Variants in HHLA2 observed in about 807,000 individuals in gnomAD.
The protein encoded by HHLA2 is HERV-H LTR-associating protein 2.
In HHLA2, 48 loss-of-function variants were observed where a neutral mutation model predicts 45.9. The observed-to-expected ratio is 1.05, with a 90% confidence interval of 0.83 to 1.33. HHLA2 has a LOEUF of 1.33. HHLA2 is among the 40% of genes most tolerant of loss of function. The pLI is 0.00. For missense variants in HHLA2, 462 were observed against 494.3 expected (o/e 0.93, Z 0.62); for synonymous variants, 161 against 173.9 (o/e 0.93, Z 0.59).
intron 7 of HHLA2, 67 bp from the exon 7 acceptor site, chr3:108,362,275 C>T: frequency 1.8e-6 from 2 of 1,136,258 alleles, no homozygotes; most frequent in South Asian, 2.7e-5. Flanking sequence ...CCTTACCCAC[C>T]CACACATTTC....
intron 1 of HHLA2, among the ~76,000 whole-genome samples, chr3:108,305,754 T>C (rs536961219): frequency 2.2e-4 from 34 of 152,294 alleles, no homozygotes; most frequent in Non-Finnish European, 3.2e-4. Flanking sequence ...AGTGACACAT[T>C]TGAGCCAAGG....
intron 5 of HHLA2, 145 bp downstream of exon 4, chr3:108,353,925 A>G (rs1433412539): frequency 1.6e-6 from 1 of 632,524 alleles, no homozygotes; most frequent in East Asian, 2.7e-5. Context: ...AACTTGTAGT[A>G]TACTAATGTT....
intron 1 of HHLA2, among the ~76,000 whole-genome samples, chr3:108,304,732 A>G (rs1049436845): frequency 3.3e-5 from 5 of 152,324 alleles, no homozygotes; most frequent in African/African-American, 1.2e-4. Context: ...TCTGTTCTGC[A>G]GATCGCTAAT....
In HHLA2 at chr3:108,372,650, C is replaced by T. The variant is rs201973595; in HGVS notation, c.1109-3100C>T. On this transcript the variant is annotated intron_variant, in intron 8 of 10. Coordinates refer to ENST00000619531, the Ensembl canonical transcript of HHLA2. ...ATAAAAAATGATAAAGGGGATATCA[C>T]CACTGATCCCACAGAAATACAAACT... 1.8e-3 allele frequency among the ~76,000 whole-genome samples: 280 copies of T among 152,276 alleles called. 3 individuals carry two copies. The East Asian group carries it at 0.046, about 25-fold the overall frequency.
chr3:108,356,310 G>A (rs1015584800), intron 6 of HHLA2, among the ~76,000 whole-genome samples: 5 of 152,194 alleles, frequency 3.3e-5, no homozygotes, highest in East Asian at 1.9e-4. Flanking sequence ...GATTACAGGC[G>A]TGAGCCACCG....
chr3:108,345,291 C>T (rs925718406), intron 3 of HHLA2, among the ~76,000 whole-genome samples: 1 of 152,186 alleles, frequency 6.6e-6, no homozygotes, highest in Non-Finnish European at 1.5e-5. Context: ...AGAACTGCAG[C>T]TTCCATCATC....
chr3:108,370,493 T>C (rs558488228), intron 8 of HHLA2, among the ~76,000 whole-genome samples: 1 of 151,720 alleles, frequency 6.6e-6, no homozygotes, highest in Admixed American at 6.6e-5. Context: ...CTTTGACGAG[T>C]TGAGAGAAGA....
At chr3:108,298,431 G>T (rs922058753) in intron 1 of HHLA2, among the ~76,000 whole-genome samples, 9 of 152,152 alleles carry the variant, frequency 5.9e-5, no homozygotes, top group Admixed American at 1.3e-4. Flanking sequence ...GTATTCAGTT[G>T]TAGTGTTTAT....
intron 3 of HHLA2, among the ~76,000 whole-genome samples, chr3:108,347,909 A>G (rs2081696895): frequency 6.6e-6 from 1 of 152,178 alleles, no homozygotes; most frequent in Non-Finnish European, 1.5e-5. Context: ...GACTGGAGAA[A>G]GAACAGGATA....
intron 1 of HHLA2, among the ~76,000 whole-genome samples, chr3:108,297,459 C>T (rs553156387): frequency 1.3e-5 from 2 of 152,280 alleles, no homozygotes; most frequent in African/African-American, 4.8e-5. Flanking sequence ...TTACCTGCTT[C>T]ATCATTAACC....
intron 2 of HHLA2, among the ~76,000 whole-genome samples, chr3:108,324,451 A>G (rs1337670648): frequency 6.6e-6 from 1 of 152,150 alleles, no homozygotes; most frequent in Admixed American, 6.5e-5. Flanking sequence ...GAAGTGCACA[A>G]AACATAGCTA....
At chr3:108,346,452 G>T (rs1419349957) in intron 3 of HHLA2, among the ~76,000 whole-genome samples, 1 of 152,200 alleles carries the variant, frequency 6.6e-6, no homozygotes, top group African/African-American at 2.4e-5. Context: ...GCACTGTGGT[G>T]AGGCACAGAA....
At chr3:108,353,734 A>G in exon 5 of HHLA2, 1 of 1,613,364 alleles carries the variant, frequency 6.2e-7, no homozygotes, top group Non-Finnish European at 8.5e-7. Flanking sequence ...GCTATGTAGG[A>G]ACAGCAATTC....
chr3:108,348,807 C>G (rs542431226), intron 3 of HHLA2, among the ~76,000 whole-genome samples: 2 of 151,302 alleles, frequency 1.3e-5, no homozygotes, highest in Admixed American at 1.3e-4. Context: ...TAGCCCCCCA[C>G]CCCCTGACAG....
intron 10 of HHLA2, chr3:108,377,019 T>C: frequency 2.1e-6 from 1 of 484,474 alleles, no homozygotes; most frequent in East Asian, 3.1e-5. Flanking sequence ...AGGAGTGTGG[T>C]AAACTTGTTT....
At chr3:108,367,849 A>C (rs2082090775) in intron 8 of HHLA2, among the ~76,000 whole-genome samples, 1 of 152,168 alleles carries the variant, frequency 6.6e-6, no homozygotes, top group Admixed American at 6.5e-5. Flanking sequence ...TTCAGGACAT[A>C]CAGAGAACAC....
chr3:108,299,488 T>C (rs2080816409), intron 1 of HHLA2, among the ~76,000 whole-genome samples: 2 of 151,252 alleles, frequency 1.3e-5, no homozygotes, highest in African/African-American at 2.4e-5. Flanking sequence ...AGGTGAGGAG[T>C]AGTCAGATTA....
intron 8 of HHLA2, among the ~76,000 whole-genome samples, chr3:108,369,256 C>G (rs2082120819): frequency 6.6e-6 from 1 of 152,102 alleles, no homozygotes; most frequent in African/African-American, 2.4e-5. Context: ...CACCAAATGC[C>G]CACATCAGAA....
At chr3:108,336,344 A>C (rs1327759188) in intron 3 of HHLA2, among the ~76,000 whole-genome samples, 2 of 152,116 alleles carry the variant, frequency 1.3e-5, no homozygotes, top group African/African-American at 4.8e-5. Context: ...TACTTTCCCC[A>C]CAATTAAAAG....
Sources: allele counts gnomAD v4.1 joint callset (sites outside exome capture counted in the v4.1 genomes callset), GRCh38; gene constraint gnomAD v4.1.1; transcripts MANE v1.5; gene names NCBI Gene and HGNC (gene_info 2026-07-23, HGNC 2026-07-21).